The following PTPRD variants were observed in gnomAD, a reference collection of about 807,000 sequenced individuals.
The protein encoded by PTPRD is protein tyrosine phosphatase receptor type D.
A neutral mutation model predicts 214.5 loss-of-function variants in PTPRD; 34 were observed. That is an observed-to-expected ratio of 0.16 (90% confidence interval 0.12 to 0.21). The LOEUF is 0.21. PTPRD is among the 10% of genes least tolerant of loss of function. The pLI is 1.00. For synonymous variants in PTPRD, 1,128 were observed against 845.7 expected (o/e 1.33, Z -5.79); for missense variants, 2,545 against 2,398.7 (o/e 1.06, Z -1.27).
At chr9:10,206,759 A>T (rs1385603759) in intron 3 of PTPRD, among the ~76,000 whole-genome samples, 4 of 152,174 alleles carry the variant, frequency 2.6e-5, no homozygotes, top group Admixed American at 2.0e-4. Flanking sequence ...TCCTGATCAT[A>T]GCAGAAAGTT....
intron 11 of PTPRD, among the ~76,000 whole-genome samples, chr9:8,765,312 G>C (rs1471050847): frequency 6.6e-6 from 1 of 152,194 alleles, no homozygotes; most frequent in Non-Finnish European, 1.5e-5. Context: ...CATTATGCCA[G>C]AGGTGATGCA....
intron 4 of PTPRD, among the ~76,000 whole-genome samples, chr9:9,978,642 G>T (rs554040043): frequency 6.6e-6 from 1 of 152,004 alleles, no homozygotes; most frequent in Non-Finnish European, 1.5e-5. Context: ...ACAAATGCAC[G>T]CATGCATGTA....
At chr9:8,449,655 C>G (rs1029574214) in intron 34 of PTPRD, 70 bp downstream of exon 34, 10 of 1,388,370 alleles carry the variant, frequency 7.2e-6, no homozygotes, top group Non-Finnish European at 9.1e-6. Context: ...ACCTTCAACT[C>G]TTAATATCAA....
At chr9:9,692,007 A>G (rs987526899) in intron 7 of PTPRD, among the ~76,000 whole-genome samples, 1 of 152,050 alleles carries the variant, frequency 6.6e-6, no homozygotes, top group African/African-American at 2.4e-5. Flanking sequence ...TGAACTCCAT[A>G]TATACTCTGG....
At chr9:10,561,506 T>C (rs1181793381) in intron 2 of PTPRD, among the ~76,000 whole-genome samples, 1 of 152,128 alleles carries the variant, frequency 6.6e-6, no homozygotes, top group Non-Finnish European at 1.5e-5. Flanking sequence ...GAATACTGCA[T>C]AGCACACATC....
intron 3 of PTPRD, among the ~76,000 whole-genome samples, chr9:10,122,448 T>C (rs148878269): frequency 1.2e-3 from 183 of 152,246 alleles, no homozygotes; most frequent in African/African-American, 4.3e-3. Context: ...AGGGCTACCG[T>C]GGGAAAGTAT....
chr9:10,218,785 G>A (rs2099553037), intron 3 of PTPRD, among the ~76,000 whole-genome samples: 1 of 151,650 alleles, frequency 6.6e-6, no homozygotes, highest in Non-Finnish European at 1.5e-5. Context: ...CATTCTACGT[G>A]TTGTTACTAT....
intron 2 of PTPRD, among the ~76,000 whole-genome samples, chr9:10,549,316 A>G (rs833457): frequency 0.95 from 144,751 of 152,176 alleles, 68,951 homozygotes; most frequent in Middle Eastern, 0.98. Context: ...TCTAATCACC[A>G]GTGAGAATCT....
chr9:9,129,249 G>A (rs1313164943), intron 10 of PTPRD, among the ~76,000 whole-genome samples: 1 of 152,152 alleles, frequency 6.6e-6, no homozygotes. Context: ...AATTAGCCAG[G>A]CATGGTAGCG....
chr9:8,465,956 C>T (rs531735088), intron 31 of PTPRD, among the ~76,000 whole-genome samples: 13 of 151,926 alleles, frequency 8.6e-5, no homozygotes, highest in South Asian at 8.3e-4. Flanking sequence ...ATTTCCTACA[C>T]TAATGAAATT....
At chr9:9,705,680 T>C (rs1319202841) in intron 7 of PTPRD, among the ~76,000 whole-genome samples, 1 of 152,184 alleles carries the variant, frequency 6.6e-6, no homozygotes, top group Non-Finnish European at 1.5e-5. Context: ...TACCTACTTC[T>C]AAGTATCAAA....
intron 3 of PTPRD, among the ~76,000 whole-genome samples, chr9:10,137,667 A>G (rs2098951941): frequency 2.6e-5 from 2 of 76,008 alleles, no homozygotes; most frequent in Non-Finnish European, 4.9e-5. Flanking sequence ...TAACCTGCAC[A>G]ATGTGCACAT....
At chr9:10,471,345 G>T (rs952553637) in intron 2 of PTPRD, among the ~76,000 whole-genome samples, 5 of 152,014 alleles carry the variant, frequency 3.3e-5, no homozygotes, top group African/African-American at 1.2e-4. Context: ...ACTGAATTGG[G>T]GGTTTGGGGG....
chr9:9,169,251 TA>T (rs2130885386), intron 10 of PTPRD, among the ~76,000 whole-genome samples: 1 of 152,200 alleles, frequency 6.6e-6, no homozygotes, highest in Non-Finnish European at 1.5e-5. Flanking sequence ...CCACCACAGG[TA>T]ATATATATAA....
At chr9:8,334,168 C>A (rs529391150) in intron 43 of PTPRD, among the ~76,000 whole-genome samples, 1 of 152,230 alleles carries the variant, frequency 6.6e-6, no homozygotes, top group East Asian at 1.9e-4. Context: ...TTGAAGTCAG[C>A]TCTGGACTAA....
At chr9:9,286,452 C>T (rs1029442758) in intron 9 of PTPRD, among the ~76,000 whole-genome samples, 1 of 151,788 alleles carries the variant, frequency 6.6e-6, no homozygotes, top group African/African-American at 2.4e-5. Flanking sequence ...CTCTACAACC[C>T]TAATCTCCAA....
intron 3 of PTPRD, among the ~76,000 whole-genome samples, chr9:10,152,809 G>A (rs779348151): frequency 2.6e-5 from 4 of 152,202 alleles, no homozygotes; most frequent in Non-Finnish European, 4.4e-5. Flanking sequence ...TGGGCAACAA[G>A]AGTGAACTCC....
chr9:10,260,038 T>G (rs1358798792), intron 3 of PTPRD, among the ~76,000 whole-genome samples: 1 of 152,224 alleles, frequency 6.6e-6, no homozygotes, highest in South Asian at 2.1e-4. Flanking sequence ...TTGTGGTGGT[T>G]GTATCTGCAG....
chr9:10,118,670 A>G (rs1041539811), intron 3 of PTPRD, among the ~76,000 whole-genome samples: 5 of 151,534 alleles, frequency 3.3e-5, no homozygotes, highest in African/African-American at 1.2e-4. Context: ...ATGTAATATA[A>G]TATAAAAATT....
Sources: allele counts gnomAD v4.1 joint callset (sites outside exome capture counted in the v4.1 genomes callset), GRCh38; gene constraint gnomAD v4.1.1; transcripts MANE v1.5; gene names NCBI Gene and HGNC (gene_info 2026-07-23, HGNC 2026-07-21).